Variants in ZNF654 observed in about 807,000 individuals in gnomAD.
ZNF654 encodes melanoma-associated antigen.
A neutral mutation model predicts 95.3 loss-of-function variants in ZNF654; 19 were observed. The ratio of observed to expected loss-of-function variants is 0.20; its 90% CI spans 0.14 to 0.29. The LOEUF is 0.29. Ranked by LOEUF, ZNF654 falls within the 10% of genes least tolerant of loss-of-function variation. The probability of loss-of-function intolerance (pLI) is 1.00; values close to 1 mark genes in which losing one functional copy is unlikely to be tolerated. For synonymous variants in ZNF654, 413 were observed against 457.9 expected (o/e 0.90, Z 1.25); for missense variants, 1,046 against 1,341.0 (o/e 0.78, Z 3.44).
chr3:88,085,142 G>A (rs1345252379), intron 1 of ZNF654, among the ~76,000 whole-genome samples: 1 of 152,218 alleles, frequency 6.6e-6, no homozygotes, highest in Non-Finnish European at 1.5e-5. Flanking sequence ...AGTGATTAGT[G>A]TGAAAAGTCT....
At chr3:88,126,731 G>T (rs1378902331) in intron 4 of ZNF654, among the ~76,000 whole-genome samples, 1 of 151,942 alleles carries the variant, frequency 6.6e-6, no homozygotes, top group Non-Finnish European at 1.5e-5. Flanking sequence ...CTAGCCCAGT[G>T]CTTGGTACAG....
Position 88,139,445 on chromosome 3 carries a change from G to A in ZNF654, c.1776G>A (p.Lys592=). Residue 592 remains lysine, a synonymous_variant, in exon 8 of 9, where the codon AAG becomes AAA. Coordinates refer to ENST00000636215, the MANE Select transcript of ZNF654 (RefSeq NM_001350134.2). The part of the protein sequence containing the change: ...RNRGLMQKHL[K]NHVKKIQRQQ... ...GAGGACTTATGCAGAAGCATTTGAA[G>A]AATCATGTTAAGAAGATACAGAGGC... 1 of 1,613,834 alleles carries A rather than the reference G, an allele frequency of 6.2e-7. No homozygotes were observed. Among genetic ancestry groups the A allele is most frequent in the Non-Finnish European group, 8.5e-7 (1 of 1,179,798 alleles).
chr3:88,062,304 G>A (rs1009461343), intron 1 of ZNF654, among the ~76,000 whole-genome samples: 1 of 152,196 alleles, frequency 6.6e-6, no homozygotes, highest in African/African-American at 2.4e-5. Context: ...TTTCCATTAT[G>A]TAGACATGCT....
At position 88,140,175 on chromosome 3, in the gene ZNF654, A is replaced by G; in HGVS notation, c.2506A>G (p.Thr836Ala). ...GCTGCCGTTCCAGCTTGCCCAGCAC[A>G]CAAAAAGTCACAGGATATTTCAGGC... ...FKLPFQLAQHTKSHRIFQAQC... is the reference protein window; with the variant it reads ...FKLPFQLAQHAKSHRIFQAQC... Residue 836 changes from threonine to alanine, a missense_variant, in exon 8 of 9, where the codon ACA becomes GCA. Coordinates refer to ENST00000636215, the MANE Select transcript of ZNF654 (RefSeq NM_001350134.2). The G allele has an allele frequency of 1.2e-6, 2 of 1,613,844 alleles. No individual in the cohort carries two copies. Among genetic ancestry groups the G allele is most frequent in the Non-Finnish European group, 1.7e-6 (2 of 1,179,772 alleles).
Position 88,139,821 on chromosome 3 carries a change from A to G in ZNF654, c.2152A>G (p.Asn718Asp), listed in dbSNP as rs1247435511. The G allele has an allele frequency of 6.4e-7, 1 of 1,565,366 alleles. No individual in the cohort carries two copies. The highest frequency in any genetic ancestry group is 1.2e-5 in the South Asian group (1 of 85,696). Residue 718 changes from asparagine (N) to aspartate (D), a missense_variant, in exon 8 of 9, where the codon AAT becomes GAT. By Grantham distance (23) the Asn-to-Asp change is conservative. Coordinates refer to ENST00000636215, the MANE Select transcript of ZNF654 (RefSeq NM_001350134.2). ...GDYEEDDYDL[N>D]QETSVIHKIN... ...TTATGAAGAAGATGATTATGACCTG[A>G]ATCAAGAAACTTCAGTAATTCATAA...
intron 2 of ZNF654, among the ~76,000 whole-genome samples, chr3:88,088,712 A>G (rs1708465435): frequency 8.2e-6 from 1 of 122,596 alleles, no homozygotes; most frequent in South Asian, 3.4e-4. Flanking sequence ...TTAGATTTGT[A>G]AGAGTGAGGC....
chr3:88,075,144 TTC>T (rs1290628456), intron 1 of ZNF654, among the ~76,000 whole-genome samples: 2 of 152,204 alleles, frequency 1.3e-5, no homozygotes, highest in African/African-American at 4.8e-5. Context: ...AGCTTTTAAT[TTC>T]TGTTTCTTCT....
At chr3:88,110,119 T>A (rs1339821478) in intron 2 of ZNF654, among the ~76,000 whole-genome samples, 1 of 152,162 alleles carries the variant, frequency 6.6e-6, no homozygotes, top group Non-Finnish European at 1.5e-5. Context: ...AGCAAATACC[T>A]ATGCACTAAG....
chr3:88,074,955 G>A (rs963762066), intron 1 of ZNF654, among the ~76,000 whole-genome samples: 2 of 152,068 alleles, frequency 1.3e-5, no homozygotes. Flanking sequence ...GTGTTTAATT[G>A]TGCTACTGTC....
intron 3 of ZNF654, among the ~76,000 whole-genome samples, chr3:88,114,524 TG>T (rs1395690941): frequency 6.6e-6 from 1 of 152,204 alleles, no homozygotes; most frequent in Non-Finnish European, 1.5e-5. Context: ...TCTCCTGCTC[TG>T]ATCCTTTGAC....
intron 2 of ZNF654, among the ~76,000 whole-genome samples, chr3:88,106,989 A>C (rs1179090691): frequency 2.6e-5 from 4 of 152,182 alleles, no homozygotes; most frequent in Non-Finnish European, 5.9e-5. Flanking sequence ...GTGTGCCAAC[A>C]CAATGTTGAT....
intron 2 of ZNF654, among the ~76,000 whole-genome samples, chr3:88,110,653 C>T (rs1288793521): frequency 6.6e-6 from 1 of 152,048 alleles, no homozygotes; most frequent in African/African-American, 2.4e-5. Flanking sequence ...ATTTTGGACT[C>T]ATTCATTCTG....
chr3:88,082,185 G>A (rs1708112767), intron 1 of ZNF654, among the ~76,000 whole-genome samples: 1 of 150,986 alleles, frequency 6.6e-6, no homozygotes, highest in African/African-American at 2.4e-5. Context: ...GGAGTGCAGT[G>A]GTGCAATCTT....
At chr3:88,119,765 C>T (rs185703210) in intron 3 of ZNF654, among the ~76,000 whole-genome samples, 14 of 151,930 alleles carry the variant, frequency 9.2e-5, no homozygotes, top group African/African-American at 2.4e-4. Context: ...GTTAGAACAG[C>T]GACAATTAAT....
intron 3 of ZNF654, among the ~76,000 whole-genome samples, chr3:88,118,435 C>T (rs1171289950): frequency 6.6e-6 from 1 of 152,122 alleles, no homozygotes; most frequent in African/African-American, 2.4e-5. Flanking sequence ...AGCCCACCCT[C>T]CTTTGTGGGG....
At chr3:88,087,156 G>A (rs1014040038) in intron 2 of ZNF654, among the ~76,000 whole-genome samples, 3 of 152,194 alleles carry the variant, frequency 2.0e-5, no homozygotes, top group African/African-American at 7.2e-5. Flanking sequence ...TTGGTTCACC[G>A]CAACCTCTAC....
chr3:88,116,557 T>TACACACACACACAC (rs745598873), intron 3 of ZNF654, among the ~76,000 whole-genome samples: 38 of 25,506 alleles, frequency 1.5e-3, no homozygotes, highest in African/African-American at 1.5e-3. Context: ...TACATACATA[T>TACACACACACACAC]ATATACACAC....
At chr3:88,112,558 G>A (rs1412425734) in intron 2 of ZNF654, among the ~76,000 whole-genome samples, 4 of 151,938 alleles carry the variant, frequency 2.6e-5, no homozygotes, top group Non-Finnish European at 5.9e-5. Context: ...CCTGTTATGA[G>A]TGGGATAATC....
chr3:88,101,872 G>T (rs1704447407), intron 2 of ZNF654, among the ~76,000 whole-genome samples: 2 of 152,104 alleles, frequency 1.3e-5, no homozygotes, highest in African/African-American at 4.8e-5. Context: ...ACAGTAGTAT[G>T]TCATTTTGTT....
Sources: allele counts gnomAD v4.1 joint callset (sites outside exome capture counted in the v4.1 genomes callset), GRCh38; gene constraint gnomAD v4.1.1; transcripts MANE v1.5; gene names NCBI Gene and HGNC (gene_info 2026-07-23, HGNC 2026-07-21).